The following TFEC variants were observed in gnomAD, a reference collection of about 807,000 sequenced individuals.
The protein encoded by TFEC is transcription factor EC.
In TFEC, 31 loss-of-function variants were observed where a neutral mutation model predicts 41.6. The ratio of observed to expected loss-of-function variants is 0.74; its 90% CI spans 0.56 to 1.01. The LOEUF is 1.01. TFEC is among the 50% of genes least tolerant of loss of function. The pLI is 0.00. For missense variants in TFEC, 402 were observed against 404.1 expected (o/e 0.99, Z 0.04); for synonymous variants, 143 against 140.6 (o/e 1.02, Z -0.12).
At chr7:116,007,695 A>G (rs1170661732) in intron 1 of TFEC, among the ~76,000 whole-genome samples, 1 of 152,158 alleles carries the variant, frequency 6.6e-6, no homozygotes, top group Non-Finnish European at 1.5e-5. Flanking sequence ...AATTTAAGAA[A>G]CAAGTGGGTA....
chr7:116,118,886 T>G (rs2056592), intron 1 of TFEC, among the ~76,000 whole-genome samples: 18,890 of 151,838 alleles, frequency 0.12, 1,297 homozygotes, highest in Middle Eastern at 0.18. Context: ...ATAAATGGGA[T>G]CCTGGTTATA....
rs73719108 is a variant in TFEC, at chr7:116,089,311, T to C, written c.198+21397A>G. On this transcript the variant is annotated intron_variant, in intron 3 of 8. Coordinates refer to the TFEC transcript ENST00000484212. The stretch of plus-strand genomic sequence containing the variant: ...TTAAGGAACACAAGGATGAATAAAG[T>C]ACACTTAATTGGAAGAGTAGCCAAT... Among the ~76,000 whole-genome samples, 51 of 152,206 alleles carry C rather than the reference T, an allele frequency of 3.4e-4. 1 individual carries two copies. The highest frequency in any genetic ancestry group is 1.2e-3 in the African/African-American group (48 of 41,548).
chr7:115,968,358 A>T (rs1265747164), intron 3 of TFEC: 6 of 1,392,864 alleles, frequency 4.3e-6, no homozygotes, highest in Non-Finnish European at 5.6e-6. Context: ...TCTTGTCTAG[A>T]TTGTGATTGA....
chr7:115,946,045 T>G (rs959623155), intron 6 of TFEC, among the ~76,000 whole-genome samples: 35 of 151,932 alleles, frequency 2.3e-4, no homozygotes, highest in African/African-American at 6.5e-4. Flanking sequence ...AGTCTTTAGA[T>G]AAAGTTTTTA....
intron 2 of TFEC, among the ~76,000 whole-genome samples, chr7:115,983,123 C>A (rs992610008): frequency 9.9e-5 from 15 of 151,938 alleles, no homozygotes; most frequent in African/African-American, 3.6e-4. Flanking sequence ...TATATTTTTA[C>A]AATCTTCATA....
intron 1 of TFEC, among the ~76,000 whole-genome samples, chr7:116,134,626 T>A (rs1056067259): frequency 6.6e-6 from 1 of 152,196 alleles, no homozygotes; most frequent in African/African-American, 2.4e-5. Flanking sequence ...GAAAACAGGT[T>A]AATAAGACTG....
intron 3 of TFEC, among the ~76,000 whole-genome samples, chr7:116,057,602 A>G (rs1347619807): frequency 1.3e-5 from 2 of 151,918 alleles, no homozygotes; most frequent in Non-Finnish European, 2.9e-5. Flanking sequence ...GTAAACATAT[A>G]CAATTTTTAA....
At chr7:116,151,138 A>G (rs1268513358) in intron 1 of TFEC, among the ~76,000 whole-genome samples, 2 of 152,218 alleles carry the variant, frequency 1.3e-5, no homozygotes, top group East Asian at 3.8e-4. Context: ...TATGTGAGAA[A>G]GTCTGAATTT....
Position 115,937,035 on chromosome 7 carries a change from A to G in TFEC, c.*3516T>C, listed in dbSNP as rs1793261555. On this transcript the variant is annotated 3_prime_UTR_variant, in exon 8 of 8. Coordinates refer to ENST00000265440, the MANE Select transcript of TFEC (RefSeq NM_012252.4). ...AAAAAAATTGTAAAGAGCTGTATCTACTCACAGGAGGTCATCATTATTTTA... is the reference window on the plus strand; with the variant it reads ...AAAAAAATTGTAAAGAGCTGTATCTGCTCACAGGAGGTCATCATTATTTTA... 6.6e-6 allele frequency: 1 copy of G among 151,594 alleles called. No homozygotes were observed. Among genetic ancestry groups the G allele is most frequent in the Non-Finnish European group, 1.5e-5 (1 of 67,662 alleles). 9.4% of individuals were successfully genotyped at this position (151,594 alleles called of 1,614,324 possible).
At chr7:115,946,396 C>CGT (rs3028673) in intron 6 of TFEC, among the ~76,000 whole-genome samples, 11,166 of 122,830 alleles carry the variant, frequency 0.091, 572 homozygotes, top group African/African-American at 0.16. Context: ...AGAAACATAA[C>CGT]GTGTGTGTGT....
intron 3 of TFEC, among the ~76,000 whole-genome samples, chr7:116,102,168 A>G (rs974651271): frequency 6.6e-6 from 1 of 152,218 alleles, no homozygotes; most frequent in African/African-American, 2.4e-5. Flanking sequence ...CTAGCTTAGA[A>G]AAGTATAATG....
chr7:115,990,457 CT>C (rs1212054561), intron 1 of TFEC, among the ~76,000 whole-genome samples: 3 of 152,114 alleles, frequency 2.0e-5, no homozygotes, highest in Non-Finnish European at 2.9e-5. Context: ...GATGTTCGAA[CT>C]CATCACAAAA....
At chr7:115,999,099 A>C (rs1415518488) in intron 1 of TFEC, among the ~76,000 whole-genome samples, 1 of 151,958 alleles carries the variant, frequency 6.6e-6, no homozygotes, top group Non-Finnish European at 1.5e-5. Context: ...AAATTCACAT[A>C]AGTCTTAAAA....
At chr7:116,084,465 C>A (rs949844917) in intron 3 of TFEC, among the ~76,000 whole-genome samples, 1 of 151,712 alleles carries the variant, frequency 6.6e-6, no homozygotes, top group Admixed American at 6.6e-5. Context: ...ACACTGAGTC[C>A]GAGCTCGTTC....
chr7:116,031,834 T>C (rs901373089), upstream of TFEC, among the ~76,000 whole-genome samples: 14 of 152,140 alleles, frequency 9.2e-5, no homozygotes, highest in Admixed American at 9.2e-4. Context: ...TTACCTTTTC[T>C]GGTTGTTTTA....
At chr7:116,111,655 T>C (rs942403487) in intron 2 of TFEC, among the ~76,000 whole-genome samples, 23 of 151,998 alleles carry the variant, frequency 1.5e-4, no homozygotes, top group Admixed American at 1.1e-3. Context: ...AAGGAAGCTG[T>C]TGGGGGACCT....
intron 3 of TFEC, among the ~76,000 whole-genome samples, chr7:116,095,745 TTTTA>T (rs1332206857): frequency 2.6e-5 from 4 of 152,182 alleles, no homozygotes; most frequent in Non-Finnish European, 5.9e-5. Flanking sequence ...CTACGTTTCC[TTTTA>T]TTTTTTTTTC....
At chr7:116,113,175 T>C (rs1166676575) in intron 1 of TFEC, among the ~76,000 whole-genome samples, 1 of 151,982 alleles carries the variant, frequency 6.6e-6, no homozygotes, top group Admixed American at 6.6e-5. Context: ...ACTGCCACAA[T>C]AAGTACTAAC....
chr7:115,989,442 G>A (rs754844407), intron 1 of TFEC, among the ~76,000 whole-genome samples: 32 of 152,150 alleles, frequency 2.1e-4, no homozygotes, highest in East Asian at 7.7e-4. Flanking sequence ...AAAGAAGGGC[G>A]GGGCATCGCC....
Sources: gnomAD v4.1 joint callset for allele counts (sites outside exome capture counted in the v4.1 genomes callset) on GRCh38, gnomAD v4.1.1 for gene constraint, MANE v1.5 for transcripts, NCBI Gene and HGNC (gene_info 2026-07-23, HGNC 2026-07-21) for gene names.